Variants in KIAA1671 observed in about 807,000 individuals in gnomAD.
The protein encoded by KIAA1671 is KIAA1671, also known as uncharacterized protein KIAA1671.
KIAA1671 carries 52 observed loss-of-function variants against 131.2 expected under a neutral mutation model. The ratio of observed to expected loss-of-function variants is 0.40; its 90% confidence interval spans 0.32 to 0.50. The LOEUF (loss-of-function observed/expected upper bound fraction) is 0.50, where lower values mean the gene tolerates loss of function less well. KIAA1671 is among the 20% of genes least tolerant of loss of function. The pLI, the probability that KIAA1671 is intolerant of heterozygous loss-of-function variation, is 0.73. For missense variants in KIAA1671, 2,360 were observed against 2,364.2 expected (o/e 1.00, Z 0.04); for synonymous variants, 1,003 against 961.6 (o/e 1.04, Z -0.80).
chr22:25,026,854 G>A (rs1036251643), intron 2 of KIAA1671, among the ~76,000 whole-genome samples: 82 of 152,258 alleles, frequency 5.4e-4, no homozygotes, highest in African/African-American at 1.9e-3. Flanking sequence ...GGGAGATAAC[G>A]ATCATTCCTT....
At chr22:25,016,329 G>A (rs1925318399) in intron 1 of KIAA1671, among the ~76,000 whole-genome samples, 1 of 152,124 alleles carries the variant, frequency 6.6e-6, no homozygotes, top group African/African-American at 2.4e-5. Context: ...AAGAATCACA[G>A]GGGCTCCCTT....
In KIAA1671 at chr22:25,093,717, A is replaced by T. The variant is rs1375689097; in HGVS notation, c.4530+44353A>T. Among the ~76,000 whole-genome samples, 203 of 114,862 alleles carry T rather than the reference A, an allele frequency of 1.8e-3. 9 individuals are homozygous for T. Among genetic ancestry groups the T allele is most frequent in the African/African-American group, 9.0e-3 (160 of 17,784 alleles). The allele number at this position is 114,862 out of a possible 152,430, so 75.4% of individuals were successfully genotyped here. On this transcript the variant is annotated intron_variant, in intron 6 of 12. Transcript: ENST00000358431. ...CACACACACACACACACACACACAC[A>T]CACACACACACACACACACACTCTC...
At chr22:24,979,681 A>G (rs1055618932) in intron 1 of KIAA1671, among the ~76,000 whole-genome samples, 3 of 152,140 alleles carry the variant, frequency 2.0e-5, no homozygotes, top group Admixed American at 1.3e-4. Context: ...GTTTGGTGGC[A>G]TAAGTACATT....
chr22:25,140,611 G>T (rs562821433), intron 6 of KIAA1671, among the ~76,000 whole-genome samples: 1 of 152,182 alleles, frequency 6.6e-6, no homozygotes, highest in Non-Finnish European at 1.5e-5. Context: ...CACACAGGGC[G>T]TGAACACCAG....
chr22:25,067,133 C>T (rs1405858578), intron 6 of KIAA1671, among the ~76,000 whole-genome samples: 4 of 152,110 alleles, frequency 2.6e-5, no homozygotes, highest in Admixed American at 1.3e-4. Flanking sequence ...TGCCCTGGTG[C>T]GTCTGACCAC....
intron 6 of KIAA1671, among the ~76,000 whole-genome samples, chr22:25,157,971 A>C (rs541892237): frequency 4.7e-4 from 71 of 151,742 alleles, no homozygotes; most frequent in Non-Finnish European, 6.8e-4. Context: ...ACAGGTACCC[A>C]CCACCACGCC....
At chr22:25,162,767 G>T (rs1445392744) in intron 6 of KIAA1671, among the ~76,000 whole-genome samples, 1 of 152,204 alleles carries the variant, frequency 6.6e-6, no homozygotes, top group Non-Finnish European at 1.5e-5. Context: ...ACACAGCCAT[G>T]CACACTCATT....
intron 6 of KIAA1671, among the ~76,000 whole-genome samples, chr22:25,164,740 G>A (rs1568988066): frequency 6.6e-6 from 1 of 152,152 alleles, no homozygotes; most frequent in Admixed American, 6.5e-5. Flanking sequence ...ATGAGGTCAG[G>A]AGTTCAAGAC....
Position 25,030,775 on chromosome 22 carries a change from C to T in KIAA1671, c.1541+1235C>T, listed in dbSNP as rs116694435. On this transcript the variant is annotated intron_variant, in intron 3 of 12. Transcript: ENST00000358431. Reference sequence around the variant, plus strand: ...GTGGCCACAACAGAGAGATGCCACTCGGCATGATCGACTGGCTCTTAATGG... The same window carrying T: ...GTGGCCACAACAGAGAGATGCCACTTGGCATGATCGACTGGCTCTTAATGG... 2.7e-3 allele frequency among the ~76,000 whole-genome samples: 407 copies of T among 152,316 alleles called. 1 individual carries two copies. The highest frequency in any genetic ancestry group is 9.2e-3 in the African/African-American group (382 of 41,572).
At chr22:25,159,592 T>C (rs1380478842) in intron 6 of KIAA1671, among the ~76,000 whole-genome samples, 1 of 152,102 alleles carries the variant, frequency 6.6e-6, no homozygotes, top group African/African-American at 2.4e-5. Context: ...TGGACTGGCA[T>C]CTGTTTGGCA....
intron 6 of KIAA1671, among the ~76,000 whole-genome samples, chr22:25,082,193 C>G (rs1929446357): frequency 6.6e-6 from 1 of 152,172 alleles, no homozygotes; most frequent in Non-Finnish European, 1.5e-5. Flanking sequence ...ATACTGTGAC[C>G]TTGTGCCAGC....
At chr22:25,161,920 G>C (rs766283967) in intron 6 of KIAA1671, among the ~76,000 whole-genome samples, 3 of 152,054 alleles carry the variant, frequency 2.0e-5, no homozygotes, top group African/African-American at 4.8e-5. Flanking sequence ...CTATAAAATG[G>C]TTATTGAGGA....
At chr22:24,990,808 T>C (rs1242342252) in intron 1 of KIAA1671, among the ~76,000 whole-genome samples, 1 of 152,040 alleles carries the variant, frequency 6.6e-6, no homozygotes, top group Non-Finnish European at 1.5e-5. Flanking sequence ...CCTCCTCATT[T>C]GTAGGAAGGG....
intron 6 of KIAA1671, among the ~76,000 whole-genome samples, chr22:25,099,154 C>A (rs1930528737): frequency 6.6e-6 from 1 of 152,218 alleles, no homozygotes; most frequent in Non-Finnish European, 1.5e-5. Context: ...AGCCTTCACT[C>A]TCTGCCTCAG....
intron 6 of KIAA1671, among the ~76,000 whole-genome samples, chr22:25,128,604 G>A (rs1224849739): frequency 1.3e-5 from 2 of 152,108 alleles, no homozygotes; most frequent in Middle Eastern, 3.2e-3. Flanking sequence ...CTGACCAACC[G>A]AGAAAGTCTG....
chr22:25,162,686 G>C (rs936168516), intron 6 of KIAA1671, among the ~76,000 whole-genome samples: 1 of 152,222 alleles, frequency 6.6e-6, no homozygotes, highest in Non-Finnish European at 1.5e-5. Flanking sequence ...CTATAGATCA[G>C]AGATCAGCAA....
chr22:24,977,015 C>T (rs920405851), intron 1 of KIAA1671, among the ~76,000 whole-genome samples: 1 of 152,114 alleles, frequency 6.6e-6, no homozygotes, highest in African/African-American at 2.4e-5. Flanking sequence ...CCTCAGTTTC[C>T]CTGTCTGTGC....
At chr22:25,108,782 A>G (rs1328907867) in intron 6 of KIAA1671, among the ~76,000 whole-genome samples, 1 of 152,128 alleles carries the variant, frequency 6.6e-6, no homozygotes, top group Non-Finnish European at 1.5e-5. Flanking sequence ...TGTGATGTCT[A>G]TGGGCCAGGA....
chr22:25,192,220 T>G (rs1002864813), intron 12 of KIAA1671, among the ~76,000 whole-genome samples, 186 bp from the exon 13 acceptor site: 1 of 152,108 alleles, frequency 6.6e-6, no homozygotes, highest in Admixed American at 6.5e-5. Flanking sequence ...GGTTTCACTG[T>G]ATTCCATGCC....
Sources: allele counts gnomAD v4.1 joint callset (sites outside exome capture counted in the v4.1 genomes callset), GRCh38; gene constraint gnomAD v4.1.1; transcripts MANE v1.5; gene names NCBI Gene and HGNC (gene_info 2026-07-23, HGNC 2026-07-21).